Variants in KHDRBS1 observed in about 807,000 individuals in gnomAD.
KHDRBS1 encodes the protein KH RNA binding domain containing, signal transduction associated 1.
In KHDRBS1, 7 loss-of-function variants were observed where a neutral mutation model predicts 48.4. The observed-to-expected ratio is 0.14, with a 90% CI of 0.08 to 0.27. KHDRBS1 has a LOEUF of 0.27. Ranked by LOEUF, KHDRBS1 falls within the 10% of genes least tolerant of loss-of-function variation. KHDRBS1 has a pLI of 1.00. For synonymous variants in KHDRBS1, 241 were observed against 235.8 expected (o/e 1.02, Z -0.20); for missense variants, 458 against 601.2 (o/e 0.76, Z 2.49).
At chr1:32,050,226 C>T (rs1639401261) in intron 10 of KHDRBS1, among the ~76,000 whole-genome samples, 1 of 152,136 alleles carries the variant, frequency 6.6e-6, no homozygotes, top group African/African-American at 2.4e-5. Flanking sequence ...ACTTTGCCCA[C>T]TTTTAAATGG....
chr1:32,032,276 T>C (rs1283852964), intron 3 of KHDRBS1, among the ~76,000 whole-genome samples: 1 of 152,236 alleles, frequency 6.6e-6, no homozygotes, highest in African/African-American at 2.4e-5. Context: ...GAGATATTCC[T>C]GCTACAGTCC....
At chr1:32,038,194 A>G in intron 6 of KHDRBS1, 158 bp downstream of exon 6, 1 of 1,206,208 alleles carries the variant, frequency 8.3e-7, no homozygotes, top group Non-Finnish European at 1.1e-6. Context: ...CTATTAGAAG[A>G]TTTTTCCATT....
At chr1:32,016,180 A>G (rs1346365243) in intron 1 of KHDRBS1, among the ~76,000 whole-genome samples, 1 of 150,838 alleles carries the variant, frequency 6.6e-6, no homozygotes, top group Admixed American at 6.6e-5. Flanking sequence ...CTCCATCTCA[A>G]AAAAGGAAAA....
At chr1:32,049,077 CG>C (rs1009329458) in intron 10 of KHDRBS1, among the ~76,000 whole-genome samples, 8 of 148,670 alleles carry the variant, frequency 5.4e-5, no homozygotes, top group Non-Finnish European at 1.2e-4. Context: ...TTTTTTGAGA[CG>C]GGGTGTTGCT....
At chr1:32,038,139 TG>T in intron 6 of KHDRBS1, 103 bp downstream of exon 6, 1 of 1,516,018 alleles carries the variant, frequency 6.6e-7, no homozygotes, top group South Asian at 1.3e-5. Context: ...ATGGACTGCC[TG>T]TAAGATTTGC....
chr1:32,030,211 A>T lies in KHDRBS1; in HGVS notation c.383-87A>T, dbSNP rs879234474. The T allele has an allele frequency of 6.5e-6, 7 of 1,083,994 alleles. No homozygotes were observed. The South Asian group carries it at 1.1e-4, about 16-fold the overall frequency. The allele number at this position is 1,083,994 out of a possible 1,614,324, so 67.1% of individuals were successfully genotyped here. A position where few individuals can be genotyped will look rare whatever the true frequency, so the allele number is the denominator to read the frequency against. On this transcript the variant is annotated intron_variant, in intron 1 of 8. Coordinates refer to ENST00000327300, the MANE Select transcript of KHDRBS1 (RefSeq NM_006559.3). ...TTTGTGTGAACTATTTGGTTTCACT[A>T]TATGGTATTCCATGTTATTGCTTTA...
At chr1:32,054,720 G>A (rs1639460589) in intron 10 of KHDRBS1, among the ~76,000 whole-genome samples, 1 of 152,178 alleles carries the variant, frequency 6.6e-6, no homozygotes, top group South Asian at 2.1e-4. Flanking sequence ...GGACGGCTTT[G>A]AATGTAGCCT....
chr1:32,034,841 C>T (rs1052192844), intron 4 of KHDRBS1, among the ~76,000 whole-genome samples: 7 of 151,730 alleles, frequency 4.6e-5, no homozygotes, highest in South Asian at 2.1e-4. Flanking sequence ...ATTAGCTGGG[C>T]GTGGTGGCAG....
At chr1:32,018,712 G>GC (rs1347560575) in intron 1 of KHDRBS1, among the ~76,000 whole-genome samples, 5 of 150,992 alleles carry the variant, frequency 3.3e-5, no homozygotes, top group East Asian at 2.0e-4. Flanking sequence ...AGCCGAGATC[G>GC]CGCCACTGCA....
At chr1:32,022,969 T>G (rs933839180) in intron 1 of KHDRBS1, among the ~76,000 whole-genome samples, 1 of 152,208 alleles carries the variant, frequency 6.6e-6, no homozygotes, top group Non-Finnish European at 1.5e-5. Context: ...AGTTGGTATA[T>G]AATTTTCCCA....
intron 1 of KHDRBS1, among the ~76,000 whole-genome samples, chr1:32,017,095 CA>C (rs1172180818): frequency 6.6e-6 from 1 of 151,732 alleles, no homozygotes; most frequent in Non-Finnish European, 1.5e-5. Context: ...CCGTCTCTAC[CA>C]AAAATACAAA....
intron 1 of KHDRBS1, among the ~76,000 whole-genome samples, chr1:32,022,623 G>A (rs761356962): frequency 7.2e-5 from 11 of 152,066 alleles, no homozygotes; most frequent in Non-Finnish European, 1.6e-4. Context: ...GGGCGCGGTG[G>A]CTCACGCTTG....
chr1:32,031,000 G>C (rs1639071310), intron 2 of KHDRBS1, among the ~76,000 whole-genome samples: 1 of 152,188 alleles, frequency 6.6e-6, no homozygotes, highest in African/African-American at 2.4e-5. Context: ...TGTAATGCCA[G>C]CACTTTGGGA....
intron 6 of KHDRBS1, 157 bp downstream of exon 6, chr1:32,038,193 G>C: frequency 8.2e-7 from 1 of 1,226,990 alleles, no homozygotes; most frequent in South Asian, 1.6e-5. Context: ...ACTATTAGAA[G>C]ATTTTTCCAT....
Position 32,037,820 on chromosome 1 carries a change from A to G in KHDRBS1, c.906-15A>G. 1 of 1,608,472 alleles carries G rather than the reference A, an allele frequency of 6.2e-7. No individual in the cohort carries two copies. The highest frequency in any genetic ancestry group is 8.5e-7 in the Non-Finnish European group (1 of 1,175,460). On this transcript the variant is annotated splice_polypyrimidine_tract_variant and intron_variant, in intron 5 of 8. Transcript: ENST00000327300. Reference sequence around the variant, plus strand: ...TTATAAAAAGCTCCATTTAAGATAAACTTTCATTTTGTAGGGGCCGTGGTG... The same window carrying G: ...TTATAAAAAGCTCCATTTAAGATAAGCTTTCATTTTGTAGGGGCCGTGGTG...
At chr1:32,053,731 A>G (rs1639448811) in intron 10 of KHDRBS1, among the ~76,000 whole-genome samples, 1 of 152,196 alleles carries the variant, frequency 6.6e-6, no homozygotes, top group African/African-American at 2.4e-5. Flanking sequence ...CATTTGTAAA[A>G]TGGGGATAAT....
intron 1 of KHDRBS1, among the ~76,000 whole-genome samples, chr1:32,028,784 C>T (rs192699719): frequency 6.6e-5 from 10 of 151,070 alleles, no homozygotes; most frequent in Non-Finnish European, 1.2e-4. Context: ...GGATTACAAG[C>T]GTGAGCCACC....
intron 7 of KHDRBS1, 116 bp from the exon 8 acceptor site, chr1:32,039,399 T>C (rs1311207091): frequency 2.9e-6 from 2 of 700,962 alleles, no homozygotes; most frequent in African/African-American, 1.8e-5. Flanking sequence ...TGGGGCAGAA[T>C]GAGTATTTTC....
chr1:32,022,957 A>G (rs1459213454), intron 1 of KHDRBS1, among the ~76,000 whole-genome samples: 1 of 151,984 alleles, frequency 6.6e-6, no homozygotes, highest in African/African-American at 2.4e-5. Flanking sequence ...ACCAGTTGAT[A>G]AAGTTGGTAT....
Sources: gnomAD v4.1 joint callset for allele counts (sites outside exome capture counted in the v4.1 genomes callset) on GRCh38, gnomAD v4.1.1 for gene constraint, MANE v1.5 for transcripts, NCBI Gene and HGNC (gene_info 2026-07-23, HGNC 2026-07-21) for gene names.